CPNE5: variants seen among roughly 807,000 people sequenced by gnomAD.
CPNE5 encodes the protein copine-5.
In CPNE5, 42 loss-of-function variants were observed where a neutral mutation model predicts 81.1. The observed-to-expected ratio is 0.52, with a 90% CI of 0.40 to 0.67. The LOEUF is 0.67. Ranked by LOEUF, CPNE5 falls within the 30% of genes least tolerant of loss-of-function variation. CPNE5 has a pLI of 0.00. For missense variants in CPNE5, 612 were observed against 815.5 expected (o/e 0.75, Z 3.04); for synonymous variants, 313 against 321.5 (o/e 0.97, Z 0.28).
At position 36,757,162 on chromosome 6, in the gene CPNE5, C is replaced by T. The variant is rs185837959; in HGVS notation, c.856-864G>A. On this transcript the variant is annotated intron_variant, in intron 12 of 20. Transcript: ENST00000244751. ...TGAGGCCCCCCACGAGACTTCCGCA[C>T]TTACTGTATTTGTATTCTCATTTGA... 1.3e-5 allele frequency: 3 copies of T among 225,394 alleles called. No individual in the cohort carries two copies. The Admixed American group carries it at 2.0e-4, about 15-fold the overall frequency. 14.0% of individuals were successfully genotyped at this position (225,394 alleles called of 1,614,324 possible).
chr6:36,756,119 C>CACA, intron 13 of CPNE5, 126 bp downstream of exon 13: 1 of 467,292 alleles, frequency 2.1e-6, no homozygotes, highest in Non-Finnish European at 3.9e-6. Flanking sequence ...CCCCATCTCT[C>CACA]TTGGATGTCT....
chr6:36,765,451 T>C, intron 10 of CPNE5, 75 bp from the exon 11 acceptor site: 2 of 1,562,132 alleles, frequency 1.3e-6, no homozygotes, highest in Non-Finnish European at 1.8e-6. Context: ...CCTCTTCATG[T>C]TCCCGGACCA....
chr6:36,839,984 G>A (rs1470777334), upstream of CPNE5: 1 of 151,848 alleles, frequency 6.6e-6, no homozygotes, highest in African/African-American at 2.4e-5. This position sits in a 1 kb window ranked among gnomAD's most constrained non-coding sequence, Gnocchi z 7.3. Context: ...CCCGGGCTGC[G>A]GGAAAATCAA....
intron 1 of CPNE5, among the ~76,000 whole-genome samples, chr6:36,836,227 T>C (rs1773489900): frequency 6.6e-6 from 1 of 152,210 alleles, no homozygotes. Flanking sequence ...CCCAGTGTCA[T>C]TTGCCTTCAG....
chr6:36,797,896 G>A (rs978997891), intron 6 of CPNE5, among the ~76,000 whole-genome samples: 1 of 152,138 alleles, frequency 6.6e-6, no homozygotes, highest in Non-Finnish European at 1.5e-5. Flanking sequence ...TATGATAGGG[G>A]TCAGGGTGGG....
chr6:36,798,068 C>A, intron 6 of CPNE5, 97 bp downstream of exon 6: 1 of 881,530 alleles, frequency 1.1e-6, no homozygotes, highest in South Asian at 1.5e-5. Flanking sequence ...AGATGCCAGT[C>A]ATAGCCAGCT....
intron 14 of CPNE5, 88 bp from the exon 15 acceptor site, chr6:36,748,355 G>A: frequency 8.4e-7 from 1 of 1,185,980 alleles, no homozygotes; most frequent in Non-Finnish European, 1.3e-6. Flanking sequence ...CTACCACCCT[G>A]GCTCTGCTGC....
chr6:36,791,859 G>A (rs1457914488), intron 8 of CPNE5, among the ~76,000 whole-genome samples, 174 bp downstream of exon 8: 6 of 152,126 alleles, frequency 3.9e-5, no homozygotes, highest in Non-Finnish European at 5.9e-5. Context: ...AGTCTGCTCA[G>A]CTATAAAAAG....
chr6:36,777,609 G>A (rs900052000), intron 9 of CPNE5, among the ~76,000 whole-genome samples: 1 of 152,124 alleles, frequency 6.6e-6, no homozygotes, highest in Non-Finnish European at 1.5e-5. Context: ...ATCCTTCTGG[G>A]AGTCCTTTGG....
chr6:36,783,576 T>C (rs1294854728), intron 8 of CPNE5, among the ~76,000 whole-genome samples: 1 of 152,122 alleles, frequency 6.6e-6, no homozygotes, highest in East Asian at 1.9e-4. Flanking sequence ...CGATCTCCGC[T>C]CACTACAGCC....
rs574555379 is a variant in CPNE5 at position 36,799,900 on chromosome 6, T to G, written c.287+67A>C. The G allele has an allele frequency of 2.6e-6, 3 of 1,170,440 alleles. No individual in the cohort carries two copies. The South Asian group carries it at 3.8e-5, about 15-fold the overall frequency. 72.5% of individuals were successfully genotyped at this position (1,170,440 alleles called of 1,614,324 possible). On this transcript the variant is annotated intron_variant, in intron 4 of 20. Coordinates refer to ENST00000244751, the MANE Select transcript of CPNE5 (RefSeq NM_020939.2). Reference sequence around the variant, plus strand: ...TCAGCTCCTTCCTCAACCACAGGTCTGTGGTCCTACCTGCCAGCAATCTTC... The same window carrying G: ...TCAGCTCCTTCCTCAACCACAGGTCGGTGGTCCTACCTGCCAGCAATCTTC...
intron 12 of CPNE5, among the ~76,000 whole-genome samples, chr6:36,761,770 G>C (rs1401035065): frequency 6.6e-6 from 1 of 152,200 alleles, no homozygotes; most frequent in African/African-American, 2.4e-5. Flanking sequence ...GCTAGTAAGT[G>C]GTAGAGTCAG....
At chr6:36,765,453 C>A in intron 10 of CPNE5, 77 bp from the exon 11 acceptor site, 1 of 1,571,010 alleles carries the variant, frequency 6.4e-7, no homozygotes. Context: ...TCTTCATGTT[C>A]CCGGACCAGA....
chr6:36,836,786 G>C (rs1325632913), intron 1 of CPNE5, among the ~76,000 whole-genome samples: 1 of 152,004 alleles, frequency 6.6e-6, no homozygotes, highest in Non-Finnish European at 1.5e-5. Context: ...AACCTGAATA[G>C]TTGGGCCTGG....
chr6:36,801,893 C>T (rs991466630), intron 3 of CPNE5, among the ~76,000 whole-genome samples: 14 of 152,126 alleles, frequency 9.2e-5, no homozygotes, highest in Admixed American at 8.5e-4. Flanking sequence ...AATGCAAATA[C>T]ATTTGTAACT....
rs377587914 is a variant in CPNE5, at chr6:36,763,015, A to G, written c.780-23T>C. On this transcript the variant is annotated intron_variant, in intron 11 of 20. Transcript: ENST00000244751. The stretch of plus-strand genomic sequence containing the variant: ...TGGCTGCAAGGGAAGACGGCTGCTG[A>G]GACCAAGGCCAGGCTGTGCCCTGCC... 23 of 1,610,004 alleles carry G rather than the reference A, an allele frequency of 1.4e-5. No individual in the cohort carries two copies. The East Asian group carries it at 1.6e-4, about 11-fold the overall frequency.
rs1765804398 is a variant in CPNE5, at chr6:36,759,387, C to A, written c.856-3089G>T. On this transcript the variant is annotated intron_variant, in intron 12 of 20. Coordinates refer to ENST00000244751, the MANE Select transcript of CPNE5 (RefSeq NM_020939.2). ...GAGGAGCTGCCCCTCCACTAAGTCA[C>A]CTCCCTTCTTCTTGGTGGTCAGGCG... Among the ~76,000 whole-genome samples the A allele has an allele frequency of 3.3e-5, 5 of 151,786 alleles. 1 individual carries two copies. In the South Asian group the frequency reaches 1.0e-3, roughly 32 times the overall value.
intron 3 of CPNE5, among the ~76,000 whole-genome samples, chr6:36,803,798 G>A (rs1346947436): frequency 6.6e-6 from 1 of 152,134 alleles, no homozygotes; most frequent in Non-Finnish European, 1.5e-5. Context: ...AAAAATATAT[G>A]CTTTAACAGG....
At chr6:36,748,560 C>A (rs1253425484) in intron 14 of CPNE5, among the ~76,000 whole-genome samples, 1 of 152,308 alleles carries the variant, frequency 6.6e-6, no homozygotes, top group South Asian at 2.1e-4. Context: ...ACAAACCCTA[C>A]CCCCTGGGCC....
Sources: gnomAD v4.1 joint callset for allele counts (sites outside exome capture counted in the v4.1 genomes callset) on GRCh38, gnomAD v4.1.1 for gene constraint, Gnocchi (gnomAD v3.1) non-coding constraint, MANE v1.5 for transcripts, NCBI Gene and HGNC (gene_info 2026-07-23, HGNC 2026-07-21) for gene names.